The following SMAP1 variants were observed in gnomAD, a reference collection of about 807,000 sequenced individuals.
SMAP1 encodes small ArfGAP 1.
A neutral mutation model predicts 58.5 loss-of-function variants in SMAP1; 24 were observed. The observed-to-expected ratio is 0.41, with a 90% confidence interval of 0.30 to 0.58. SMAP1 has a LOEUF of 0.58. Ranked by LOEUF, SMAP1 falls within the 20% of genes least tolerant of loss-of-function variation. SMAP1 has a pLI of 0.29. For missense variants in SMAP1, 563 were observed against 566.3 expected, an observed-to-expected ratio of 0.99 and a Z score of 0.06; for synonymous variants, 216 against 196.6, an observed-to-expected ratio of 1.10 and a Z score of -0.82.
intron 1 of SMAP1, among the ~76,000 whole-genome samples, chr6:70,691,356 A>G (rs1187734899): frequency 3.9e-5 from 6 of 152,144 alleles, no homozygotes; most frequent in Non-Finnish European, 7.4e-5. Flanking sequence ...TATGGGGTAC[A>G]TGAGATATTT....
rs1771704247 is a variant in SMAP1, at chr6:70,861,099, G to A, written c.*765G>A. ...TATATCTAGGTTTATGACAGTAATT[G>A]TGTTTACATTTTATGGTGCCTAGTA... On this transcript the variant is annotated 3_prime_UTR_variant, in exon 11 of 11. Transcript: ENST00000370455. The A allele has an allele frequency of 1.1e-5, 2 of 178,788 alleles. No individual in the cohort carries two copies. Among genetic ancestry groups the A allele is most frequent in the African/African-American group, 2.3e-5 (1 of 42,702 alleles). 11.1% of individuals were successfully genotyped at this position (178,788 alleles called of 1,614,324 possible).
In SMAP1 at chr6:70,773,337, T is replaced by C; in HGVS notation, c.339-13T>C. 1 of 1,508,984 alleles carries C rather than the reference T, an allele frequency of 6.6e-7. No homozygotes were observed. The highest frequency in any genetic ancestry group is 9.1e-7 in the Non-Finnish European group (1 of 1,095,260). 93.5% of individuals were successfully genotyped at this position (1,508,984 alleles called of 1,614,324 possible). A position where few individuals can be genotyped will look rare whatever the true frequency, so the allele number is the denominator to read the frequency against. ...ACTGAATTCATGCTTTTCCTTAAGTTATCTGTTTTCAGAGCAGTGGAATTT... is the reference window on the plus strand; with the variant it reads ...ACTGAATTCATGCTTTTCCTTAAGTCATCTGTTTTCAGAGCAGTGGAATTT... On this transcript the variant is annotated splice_polypyrimidine_tract_variant and intron_variant, in intron 3 of 10. Transcript: ENST00000370455.
At chr6:70,746,567 G>A (rs1475949662) in intron 2 of SMAP1, among the ~76,000 whole-genome samples, 3 of 152,064 alleles carry the variant, frequency 2.0e-5, no homozygotes, top group Admixed American at 6.6e-5. Context: ...TGCCGGATTC[G>A]GTTTTCCAGT....
chr6:70,852,697 C>T (rs1219663612), intron 8 of SMAP1, 33 bp downstream of exon 8: 18 of 1,490,590 alleles, frequency 1.2e-5, no homozygotes, highest in Non-Finnish European at 1.5e-5. Context: ...TATATGGTCA[C>T]TGCTTATTTC....
At chr6:70,802,570 C>T (rs1768910503) in intron 6 of SMAP1, among the ~76,000 whole-genome samples, 1 of 152,126 alleles carries the variant, frequency 6.6e-6, no homozygotes, top group South Asian at 2.1e-4. Context: ...GAGAGGGCAT[C>T]CTTGTCTTGT....
At chr6:70,829,490 T>G (rs559835559) in intron 6 of SMAP1, among the ~76,000 whole-genome samples, 1 of 152,276 alleles carries the variant, frequency 6.6e-6, no homozygotes, top group African/African-American at 2.4e-5. Flanking sequence ...TATTTATTTT[T>G]AAATCTAATT....
intron 8 of SMAP1, among the ~76,000 whole-genome samples, chr6:70,855,696 T>C (rs528474225): frequency 2.0e-5 from 3 of 152,310 alleles, no homozygotes; most frequent in Admixed American, 1.3e-4. Context: ...TAAAGTAACA[T>C]GTCTGAGTGT....
At chr6:70,696,495 A>G (rs1338621980) in intron 1 of SMAP1, among the ~76,000 whole-genome samples, 2 of 152,050 alleles carry the variant, frequency 1.3e-5, no homozygotes, top group African/African-American at 4.8e-5. Context: ...AAATTTCTTC[A>G]TTGACGCCTT....
rs866636479 is a variant in SMAP1 at position 70,798,714 on chromosome 6, G to A, written c.553G>A (p.Ala185Thr). 3.2e-6 allele frequency: 5 copies of A among 1,559,242 alleles called. No homozygotes were observed. The highest frequency in any genetic ancestry group is 3.5e-6 in the Non-Finnish European group (4 of 1,153,260). The stretch of plus-strand genomic sequence containing the variant: ...GAGAGAAAAGGAGCCAGAAAAGCCG[G>A]CAAAACCACTTACAGCTGAAAAGGT... ...KKREKEPEKP[A>T]KPLTAEKLQK... is the part of the protein sequence containing the mutation. The change falls in exon 6 of 11, where the codon GCA (alanine) becomes ACA (threonine). Residue 185 changes from alanine to threonine, a missense_variant. Ala to Thr is a moderately conservative substitution (Grantham distance 58, BLOSUM62 0). This residue lies in a region of SMAP1 where 494 missense variants were observed against 473.8 expected (regional missense o/e 1.04). Coordinates refer to ENST00000370455, the MANE Select transcript of SMAP1 (RefSeq NM_001044305.3).
At chr6:70,788,695 G>A (rs1768197546) in intron 4 of SMAP1, among the ~76,000 whole-genome samples, 1 of 152,140 alleles carries the variant, frequency 6.6e-6, no homozygotes, top group Non-Finnish European at 1.5e-5. Flanking sequence ...ACCAGAAGGA[G>A]TCATATATGG....
chr6:70,774,452 C>T (rs567148684), intron 4 of SMAP1, among the ~76,000 whole-genome samples: 68 of 152,300 alleles, frequency 4.5e-4, no homozygotes, highest in Non-Finnish European at 7.5e-4. Flanking sequence ...AGATTCATCT[C>T]ATTTTTCATA....
rs773910155 is a variant in SMAP1 at position 70,861,805 on chromosome 6, C to T, written c.*1471C>T. 34 of 1,613,820 alleles carry T rather than the reference C, an allele frequency of 2.1e-5. No homozygotes were observed. The highest frequency in any genetic ancestry group is 8.0e-5 in the African/African-American group (6 of 74,884). ...CACTCTTCATGGTGACACTCGAGGT[C>T]GGGCAGCACAAGTGTAATGAATACC... On this transcript the variant is annotated 3_prime_UTR_variant, in exon 11 of 11. Coordinates refer to ENST00000370455, the MANE Select transcript of SMAP1 (RefSeq NM_001044305.3).
At chr6:70,821,523 G>C (rs1030638228) in intron 6 of SMAP1, among the ~76,000 whole-genome samples, 7 of 152,250 alleles carry the variant, frequency 4.6e-5, no homozygotes, top group Admixed American at 2.6e-4. Context: ...TTTCCTGGCA[G>C]TTGAGAGGTT....
At chr6:70,750,091 C>T (rs1766213389) in intron 2 of SMAP1, among the ~76,000 whole-genome samples, 1 of 152,178 alleles carries the variant, frequency 6.6e-6, no homozygotes, top group South Asian at 2.1e-4. Flanking sequence ...GTGACGTAAA[C>T]TTGGGCACAC....
intron 1 of SMAP1, among the ~76,000 whole-genome samples, chr6:70,683,525 AT>A (rs1224891180): frequency 1.3e-5 from 2 of 152,056 alleles, no homozygotes; most frequent in Admixed American, 1.3e-4. Flanking sequence ...TTGCTCCTAC[AT>A]TTTGGGAGGG....
intron 1 of SMAP1, among the ~76,000 whole-genome samples, chr6:70,698,412 TTTTGAA>T (rs764020516): frequency 7.9e-5 from 12 of 152,202 alleles, no homozygotes; most frequent in Non-Finnish European, 1.2e-4. Flanking sequence ...CTCTCTGTGC[TTTTGAA>T]TTGTGATATT....
chr6:70,730,077 A>G (rs140195077), intron 1 of SMAP1, among the ~76,000 whole-genome samples: 29 of 151,498 alleles, frequency 1.9e-4, no homozygotes, highest in African/African-American at 6.6e-4. Context: ...TCTCCCCCTG[A>G]CCCTCCTTTT....
intron 7 of SMAP1, among the ~76,000 whole-genome samples, chr6:70,852,053 AAAC>A (rs1562203154): frequency 1.3e-5 from 2 of 152,124 alleles, no homozygotes. Flanking sequence ...ATTATCTCCA[AAAC>A]ACACACACCC....
At chr6:70,771,223 A>T (rs1767289650) in intron 3 of SMAP1, among the ~76,000 whole-genome samples, 1 of 152,270 alleles carries the variant, frequency 6.6e-6, no homozygotes, top group Non-Finnish European at 1.5e-5. Flanking sequence ...TTGAGGAGGC[A>T]GTCTGCCCAT....
Sources: allele counts gnomAD v4.1 joint callset (sites outside exome capture counted in the v4.1 genomes callset), GRCh38; gene constraint gnomAD v4.1.1; regional missense constraint gnomAD v4.1.1; transcripts MANE v1.5; gene names NCBI Gene and HGNC (gene_info 2026-07-23, HGNC 2026-07-21).